Variants in XKR6 observed in about 807,000 individuals in gnomAD.
XKR6 encodes XK-related protein 6.
XKR6 carries 22 observed loss-of-function variants against 56.7 expected under a neutral mutation model. The ratio of observed to expected loss-of-function variants is 0.39; its 90% CI spans 0.28 to 0.55. XKR6 has a LOEUF of 0.55. XKR6 is among the 20% of genes least tolerant of loss of function. XKR6 has a pLI of 0.66. For missense variants in XKR6, 852 were observed against 889.0 expected, an observed-to-expected ratio of 0.96 and a Z score of 0.53; for synonymous variants, 524 against 387.8, an observed-to-expected ratio of 1.35 and a Z score of -4.13.
intron 1 of XKR6, among the ~76,000 whole-genome samples, chr8:11,048,705 G>A (rs866715722): frequency 6.6e-6 from 1 of 152,146 alleles, no homozygotes; most frequent in Non-Finnish European, 1.5e-5. Context: ...TCTGGACTCC[G>A]CAGGCCTCTG....
At chr8:11,026,954 C>T (rs1262814696) in intron 1 of XKR6, among the ~76,000 whole-genome samples, 1 of 152,114 alleles carries the variant, frequency 6.6e-6, no homozygotes, top group Non-Finnish European at 1.5e-5. Context: ...GTCTAGCCTA[C>T]TACACACTTC....
chr8:11,019,686 G>C (rs1291735057), intron 1 of XKR6, among the ~76,000 whole-genome samples: 1 of 152,192 alleles, frequency 6.6e-6, no homozygotes, highest in Non-Finnish European at 1.5e-5. Context: ...GAGGCTGCAG[G>C]GCCGTAACCC....
At chr8:10,960,204 C>T (rs1028722632) in intron 1 of XKR6, among the ~76,000 whole-genome samples, 1 of 151,782 alleles carries the variant, frequency 6.6e-6, no homozygotes, top group Non-Finnish European at 1.5e-5. Context: ...GCAGGTACAG[C>T]AGGTGGGTGC....
chr8:11,194,407 G>C (rs1308939473), intron 1 of XKR6: 1 of 152,190 alleles, frequency 6.6e-6, no homozygotes, highest in Non-Finnish European at 1.5e-5. Context: ...GCAGTGGATT[G>C]TCTTTAGGCA....
chr8:11,036,012 C>G (rs1029509069), intron 1 of XKR6, among the ~76,000 whole-genome samples: 1 of 142,448 alleles, frequency 7.0e-6, no homozygotes, highest in African/African-American at 2.7e-5. Flanking sequence ...GGTGCAGTCA[C>G]AACTCACTGC....
At chr8:11,164,826 G>A (rs1015330484) in intron 1 of XKR6, among the ~76,000 whole-genome samples, 2 of 152,216 alleles carry the variant, frequency 1.3e-5, no homozygotes, top group East Asian at 3.9e-4. Flanking sequence ...TTGTATACCT[G>A]AGACCTGTCT....
At chr8:11,178,782 A>C (rs1414349314) in intron 1 of XKR6, among the ~76,000 whole-genome samples, 1 of 150,822 alleles carries the variant, frequency 6.6e-6, no homozygotes, top group East Asian at 1.9e-4. Context: ...TATACAACTC[A>C]CAAAAGCAAT....
chr8:11,127,678 A>C (rs1467506601), intron 1 of XKR6, among the ~76,000 whole-genome samples: 1 of 152,148 alleles, frequency 6.6e-6, no homozygotes, highest in African/African-American at 2.4e-5. Context: ...TGGCTACATC[A>C]GGCCCACCTT....
intron 1 of XKR6, among the ~76,000 whole-genome samples, chr8:10,958,201 G>C (rs917961572): frequency 7.2e-5 from 11 of 152,142 alleles, no homozygotes; most frequent in Non-Finnish European, 1.0e-4. Context: ...CCTTCCATGA[G>C]ATGCAAGTTC....
chr8:11,071,861 A>G (rs987567024), intron 1 of XKR6, among the ~76,000 whole-genome samples: 1 of 126,346 alleles, frequency 7.9e-6, no homozygotes, highest in South Asian at 2.3e-4. Flanking sequence ...TGTTCACATC[A>G]CAGGGAATCA....
At chr8:10,989,443 C>T (rs1257687875) in intron 1 of XKR6, among the ~76,000 whole-genome samples, 1 of 152,130 alleles carries the variant, frequency 6.6e-6, no homozygotes, top group Non-Finnish European at 1.5e-5. Flanking sequence ...TGATTGATAT[C>T]TACGTTACGT....
At chr8:11,092,553 C>T (rs1362000984) in intron 1 of XKR6, among the ~76,000 whole-genome samples, 2 of 152,082 alleles carry the variant, frequency 1.3e-5, no homozygotes, top group Non-Finnish European at 2.9e-5. Flanking sequence ...CAGGGGGTAT[C>T]CCGGGTGATA....
At chr8:11,157,232 C>G (rs1315063880) in intron 1 of XKR6, among the ~76,000 whole-genome samples, 1 of 152,106 alleles carries the variant, frequency 6.6e-6, no homozygotes, top group Non-Finnish European at 1.5e-5. Flanking sequence ...GACATGACAA[C>G]AAAACGCAAG....
At chr8:11,180,652 C>T (rs1027103177) in intron 1 of XKR6, among the ~76,000 whole-genome samples, 2 of 152,200 alleles carry the variant, frequency 1.3e-5, no homozygotes, top group Non-Finnish European at 2.9e-5. Flanking sequence ...CACCTGCAAT[C>T]CCAGGGCTTT....
intron 2 of XKR6, among the ~76,000 whole-genome samples, chr8:10,922,510 G>T (rs1386125593): frequency 2.0e-5 from 3 of 152,230 alleles, no homozygotes. Context: ...GCATTTCAAA[G>T]ACATCCCTAT....
intron 1 of XKR6, among the ~76,000 whole-genome samples, chr8:10,951,363 C>T (rs1461876914): frequency 6.6e-6 from 1 of 150,600 alleles, no homozygotes; most frequent in African/African-American, 2.5e-5. Flanking sequence ...AGGTGCTGAG[C>T]GACGCATGGG....
At chr8:11,198,516 G>GA (rs35499478) in intron 1 of XKR6, among the ~76,000 whole-genome samples, 2,823 of 145,136 alleles carry the variant, frequency 0.019, 99 homozygotes, top group South Asian at 0.093. Flanking sequence ...GTTAAGATCA[G>GA]AAAAAAAAAA....
intron 1 of XKR6, among the ~76,000 whole-genome samples, chr8:10,981,432 A>T (rs921690369): frequency 1.3e-5 from 2 of 152,218 alleles, no homozygotes; most frequent in African/African-American, 2.4e-5. Context: ...TGATGATCAG[A>T]TTGCGGGTGA....
chr8:10,950,120 C>A (rs768640513), intron 1 of XKR6, among the ~76,000 whole-genome samples: 7 of 152,142 alleles, frequency 4.6e-5, no homozygotes, highest in Admixed American at 3.9e-4. Flanking sequence ...TGGCTGAGAC[C>A]AGAAGAGGTC....
Sources: gnomAD v4.1 joint callset for allele counts (sites outside exome capture counted in the v4.1 genomes callset) on GRCh38, gnomAD v4.1.1 for gene constraint, MANE v1.5 for transcripts, NCBI Gene and HGNC (gene_info 2026-07-23, HGNC 2026-07-21) for gene names.